The following TRPV3 variants were observed in gnomAD, a reference collection of about 807,000 sequenced individuals.
TRPV3 encodes the protein VRL-3.
A neutral mutation model predicts 87.1 loss-of-function variants in TRPV3; 88 were observed. The ratio of observed to expected loss-of-function variants is 1.01; its 90% CI spans 0.85 to 1.21. The LOEUF (loss-of-function observed/expected upper bound fraction) is 1.21. Ranked by LOEUF, TRPV3 falls within the 50% of genes most tolerant of loss-of-function variation. The pLI is 0.00. For missense variants in TRPV3, 1,054 were observed against 1,030.1 expected (o/e 1.02, Z -0.32); for synonymous variants, 438 against 423.3 (o/e 1.03, Z -0.43).
At chr17:3,527,268 AT>A (rs2074308345) in intron 11 of TRPV3, among the ~76,000 whole-genome samples, 1 of 151,996 alleles carries the variant, frequency 6.6e-6, no homozygotes, top group Non-Finnish European at 1.5e-5. Context: ...TGTTCCCCAT[AT>A]CCACCCTGTA....
chr17:3,518,263 G>A lies in TRPV3; in HGVS notation c.2085+313C>T, dbSNP rs2074202100. 6.6e-6 allele frequency among the ~76,000 whole-genome samples: 1 copy of A among 152,144 alleles called. No individual in the cohort carries two copies. The highest frequency in any genetic ancestry group is 2.1e-4 in the South Asian group (1 of 4,834). ...ATAGAGCAGAACTGTCACCTCCACT[G>A]TCCTAGACGCTGTACTCCTCTTAAT... On this transcript the variant is annotated intron_variant, in intron 15 of 17. Coordinates refer to ENST00000576742, the MANE Select transcript of TRPV3 (RefSeq NM_145068.4). The surrounding 1 kb of genome is among the most constrained non-coding windows in gnomAD (Gnocchi z 4.3).
chr17:3,546,147 A>G (rs2074523442), intron 2 of TRPV3, among the ~76,000 whole-genome samples: 1 of 152,130 alleles, frequency 6.6e-6, no homozygotes, highest in Non-Finnish European at 1.5e-5. Context: ...TCTGCACTTT[A>G]TGGAAGACAA....
At chr17:3,531,243 G>A (rs1020212453) in intron 8 of TRPV3, among the ~76,000 whole-genome samples, 2 of 152,142 alleles carry the variant, frequency 1.3e-5, no homozygotes, top group Non-Finnish European at 2.9e-5. Flanking sequence ...GCTGAGCCCT[G>A]GGTTACCCCA....
chr17:3,543,462 T>G lies in TRPV3; in HGVS notation c.466+12A>C. 6.2e-7 allele frequency: 1 copy of G among 1,612,142 alleles called. No homozygotes were observed. The highest frequency in any genetic ancestry group is 8.5e-7 in the Non-Finnish European group (1 of 1,179,918). ...CCCAGCCCTGCACCCTCTGCCAGGCTCAGACACTCACCAGGCACATCCTCA... is the reference window on the plus strand; with the variant it reads ...CCCAGCCCTGCACCCTCTGCCAGGCGCAGACACTCACCAGGCACATCCTCA... On this transcript the variant is annotated intron_variant, in intron 5 of 17. Transcript: ENST00000576742.
chr17:3,543,701 G>A lies in TRPV3; in HGVS notation c.312-73C>T. 1.9e-6 allele frequency: 3 copies of A among 1,580,856 alleles called. No individual in the cohort carries two copies. In the South Asian group the frequency reaches 3.4e-5, roughly 18 times the overall value. ...TCAATCTCTCCTTTTCCCCGCCAGA[G>A]CTGCCTACGGGGCGCTGCAGCTGCC... is the stretch of plus-strand genomic sequence containing the variant. On this transcript the variant is annotated intron_variant, in intron 4 of 17. Transcript: ENST00000576742.
intron 16 of TRPV3, among the ~76,000 whole-genome samples, chr17:3,515,431 G>C (rs565366954): frequency 6.6e-6 from 1 of 151,580 alleles, no homozygotes; most frequent in Non-Finnish European, 1.5e-5. Context: ...GAGGCCGAGG[G>C]GGGTGGATCA....
intron 13 of TRPV3, among the ~76,000 whole-genome samples, chr17:3,521,418 C>T (rs1415799811): frequency 6.6e-6 from 1 of 152,094 alleles, no homozygotes; most frequent in African/African-American, 2.4e-5. Flanking sequence ...TTAAACACAG[C>T]CATTATTCAG....
chr17:3,515,536 C>T (rs1597463954), intron 16 of TRPV3, among the ~76,000 whole-genome samples: 4 of 152,276 alleles, frequency 2.6e-5, no homozygotes, highest in African/African-American at 9.6e-5. Context: ...TGGCATATGC[C>T]TGCAGTCCCA....
intron 2 of TRPV3, among the ~76,000 whole-genome samples, chr17:3,547,546 G>C (rs1276304344): frequency 6.6e-6 from 1 of 152,208 alleles, no homozygotes; most frequent in East Asian, 1.9e-4. Context: ...ACTTGGACCT[G>C]GGAGGTGGAG....
Position 3,511,493 on chromosome 17 carries a change from AAGGAAG to A in TRPV3, c.*2418_*2423del, listed in dbSNP as rs1312026309. ...AGCATTAGCCTCTGGGCGTAAAATG[AAGGAAG>A]TGCTCCTTTTCACTCTGATGCTTCT... On this transcript the variant is annotated 3_prime_UTR_variant, in exon 18 of 18. Coordinates refer to ENST00000576742, the MANE Select transcript of TRPV3 (RefSeq NM_145068.4). 4.6e-5 allele frequency: 7 copies of A among 152,198 alleles called. No homozygotes were observed. The highest frequency in any genetic ancestry group is 4.4e-5 in the Non-Finnish European group (3 of 68,052). 9.4% of individuals were successfully genotyped at this position (152,198 alleles called of 1,614,324 possible). A position where few individuals can be genotyped will look rare whatever the true frequency, so the allele number is the denominator to read the frequency against.
At chr17:3,532,143 G>A (rs1040082459) in intron 8 of TRPV3, among the ~76,000 whole-genome samples, 33 of 152,336 alleles carry the variant, frequency 2.2e-4, no homozygotes, top group African/African-American at 7.5e-4. Context: ...GCCAAGCCTC[G>A]ATTTCTCAGC....
At chr17:3,519,476 A>ATGATTGGATGGATGGATGGATG (rs2074217117) in intron 14 of TRPV3, among the ~76,000 whole-genome samples, 1 of 110,226 alleles carries the variant, frequency 9.1e-6, no homozygotes, top group Non-Finnish European at 1.8e-5. Context: ...ATGGATGGAT[A>ATGATTGGATGGATGGATGGATG]GATGATTGGA....
chr17:3,531,494 C>T (rs760254896), intron 8 of TRPV3, among the ~76,000 whole-genome samples: 1 of 152,190 alleles, frequency 6.6e-6, no homozygotes, highest in Admixed American at 6.5e-5. Context: ...TTCTGGAGGA[C>T]ACGGAACAGA....
intron 12 of TRPV3, among the ~76,000 whole-genome samples, chr17:3,526,556 C>T (rs1045293996): frequency 1.3e-5 from 2 of 152,072 alleles, no homozygotes; most frequent in East Asian, 1.9e-4. Flanking sequence ...CTGCCTTCCA[C>T]GTGGGGCTCT....
chr17:3,547,016 A>G (rs1173928035), intron 2 of TRPV3, among the ~76,000 whole-genome samples: 1 of 149,506 alleles, frequency 6.7e-6, no homozygotes, highest in Non-Finnish European at 1.5e-5. Flanking sequence ...GAAATACTGG[A>G]TGGCTGAACC....
intron 15 of TRPV3, among the ~76,000 whole-genome samples, chr17:3,516,955 G>C (rs1280368122): frequency 6.6e-6 from 1 of 151,940 alleles, no homozygotes; most frequent in Admixed American, 6.6e-5. Flanking sequence ...AGAGCAGCCT[G>C]GCCAACATGG....
intron 14 of TRPV3, among the ~76,000 whole-genome samples, chr17:3,519,071 C>T (rs1467637852): frequency 2.0e-5 from 3 of 152,224 alleles, no homozygotes; most frequent in Non-Finnish European, 4.4e-5. Flanking sequence ...AGTCTTCTCT[C>T]CTTCCTTTAC....
intron 8 of TRPV3, among the ~76,000 whole-genome samples, chr17:3,531,717 A>T (rs1475407364): frequency 6.6e-6 from 1 of 152,234 alleles, no homozygotes; most frequent in African/African-American, 2.4e-5. Context: ...TCAAAGCCCC[A>T]GCAAGCTGTG....
At chr17:3,538,390 T>C (rs1290798360) in intron 6 of TRPV3, among the ~76,000 whole-genome samples, 2 of 145,416 alleles carry the variant, frequency 1.4e-5, no homozygotes, top group Non-Finnish European at 3.0e-5. Context: ...AAATGAAAAT[T>C]AGAACCTAAA....
Sources: gnomAD v4.1 joint callset for allele counts (sites outside exome capture counted in the v4.1 genomes callset) on GRCh38, gnomAD v4.1.1 for gene constraint, Gnocchi (gnomAD v3.1) non-coding constraint, MANE v1.5 for transcripts, NCBI Gene and HGNC (gene_info 2026-07-23, HGNC 2026-07-21) for gene names.